SEMA3D: variants seen among roughly 807,000 people sequenced by gnomAD.
The protein encoded by SEMA3D is semaphorin-3D.
Under a neutral mutation model 100.1 loss-of-function variants are expected in SEMA3D, and 84 were observed. The observed-to-expected ratio is 0.84, with a 90% CI of 0.70 to 1.01. SEMA3D has a LOEUF of 1.01. Ranked by LOEUF, SEMA3D falls within the 50% of genes least tolerant of loss-of-function variation. SEMA3D has a pLI of 0.00. For synonymous variants in SEMA3D, 312 were observed against 320.7 expected (o/e 0.97, Z 0.29); for missense variants, 875 against 934.1 (o/e 0.94, Z 0.82).
chr7:84,996,285 C>T lies in SEMA3D; in HGVS notation c.*3155G>A, dbSNP rs1052209732. The T allele has an allele frequency of 6.6e-6, 1 of 151,780 alleles. No individual in the cohort carries two copies. The highest frequency in any genetic ancestry group is 2.4e-5 in the African/African-American group (1 of 41,370). The allele number at this position is 151,780 out of a possible 1,614,324, so 9.4% of individuals were successfully genotyped here. A position where few individuals can be genotyped will look rare whatever the true frequency, so the allele number is the denominator to read the frequency against. On this transcript the variant is annotated 3_prime_UTR_variant, in exon 19 of 19. Coordinates refer to ENST00000284136, the MANE Select transcript of SEMA3D (RefSeq NM_001384900.1). ...CTGAGTCTGTAAAATTCAGCAGGAA[C>T]AAAACATACTAGAATATGAAGAACC...
chr7:85,018,261 A>T lies in SEMA3D; in HGVS notation c.1536T>A (p.Ser512=). ...AAAAGTTAAAAAGTACCTGCTTCAGAGACAATTCCATGTTCAAGATGATTG... is the reference window on the plus strand; with the variant it reads ...AAAAGTTAAAAAGTACCTGCTTCAGTGACAATTCCATGTTCAAGATGATTG... ...HSSIILNMEL[S]LKQQQLYIGS... Residue 512 remains serine (S), a synonymous_variant, in exon 15 of 19, where the codon TCT becomes TCA. Transcript: ENST00000284136. 6.3e-7 allele frequency: 1 copy of T among 1,594,616 alleles called. No homozygotes were observed.
At position 85,077,782 on chromosome 7, in the gene SEMA3D, A is replaced by G. The variant is rs547781440; in HGVS notation, c.375+3735T>C. ...GCTGGTAAGAGCATATGAGGCATAA[A>G]CTTTCTGGAGGGCAATTTGGCAATA... On this transcript the variant is annotated intron_variant, in intron 5 of 18. Coordinates refer to ENST00000284136, the MANE Select transcript of SEMA3D (RefSeq NM_001384900.1). Among the ~76,000 whole-genome samples the G allele has an allele frequency of 2.0e-5, 3 of 152,258 alleles. No individual in the cohort carries two copies. The East Asian group carries it at 5.8e-4, about 29-fold the overall frequency.
the SEMA3D span, among the ~76,000 whole-genome samples, chr7:85,225,460 G>T: frequency 6.6e-6 from 1 of 151,730 alleles, no homozygotes; most frequent in Non-Finnish European, 1.5e-5. Flanking sequence ...TAATGAGGAG[G>T]TCTTCCAGGT....
chr7:85,231,270 A>T, the SEMA3D span, among the ~76,000 whole-genome samples: 1 of 152,060 alleles, frequency 6.6e-6, no homozygotes, highest in African/African-American at 2.4e-5. Flanking sequence ...ATGATTATTG[A>T]CAAATCAACA....
In SEMA3D at chr7:84,997,644, GA is replaced by G. The variant is rs1344147240; in HGVS notation, c.*1795del. On this transcript the variant is annotated 3_prime_UTR_variant, in exon 19 of 19. Coordinates refer to ENST00000284136, the MANE Select transcript of SEMA3D (RefSeq NM_001384900.1). ...AAATAAAATAAAAATAACAGAGAGA[GA>G]ATGCTCTCAACATAGAGCCACAGAT... 1 of 152,486 alleles carries G rather than the reference GA, an allele frequency of 6.6e-6. No individual in the cohort carries two copies. The highest frequency in any genetic ancestry group is 2.1e-4 in the South Asian group (1 of 4,830). 9.4% of individuals were successfully genotyped at this position (152,486 alleles called of 1,614,324 possible).
chr7:85,010,044 G>T (rs1015011604), intron 17 of SEMA3D, among the ~76,000 whole-genome samples: 1 of 151,768 alleles, frequency 6.6e-6, no homozygotes, highest in Non-Finnish European at 1.5e-5. Flanking sequence ...GATCAGGAAA[G>T]GTGTCTCTGA....
chr7:85,050,070 G>T (rs1450114674), intron 9 of SEMA3D, among the ~76,000 whole-genome samples: 2 of 107,938 alleles, frequency 1.9e-5, no homozygotes, highest in Admixed American at 2.4e-4. Flanking sequence ...GTCTTGAAGG[G>T]AAACACACAC....
Position 85,037,042 on chromosome 7 carries a change from A to C in SEMA3D, c.1047-9T>G. On this transcript the variant is annotated splice_polypyrimidine_tract_variant and intron_variant, in intron 11 of 18. Coordinates refer to ENST00000284136, the MANE Select transcript of SEMA3D (RefSeq NM_001384900.1). Reference sequence around the variant, plus strand: ...AGCCTTTGAAGATGGAGCTGGAAAAAAAAAGCATCATCATTCAATCATTCA... The same window carrying C: ...AGCCTTTGAAGATGGAGCTGGAAAACAAAAGCATCATCATTCAATCATTCA... 1.2e-6 allele frequency: 2 copies of C among 1,609,846 alleles called. No individual in the cohort carries two copies. Among genetic ancestry groups the C allele is most frequent in the Non-Finnish European group, 1.7e-6 (2 of 1,178,482 alleles).
the SEMA3D span, among the ~76,000 whole-genome samples, chr7:85,245,388 A>G: frequency 6.6e-6 from 1 of 152,240 alleles, no homozygotes; most frequent in South Asian, 2.1e-4. Context: ...AAATTTAAGC[A>G]TAGCACAGTA....
At chr7:85,029,163 C>T (rs1418169659) in intron 12 of SEMA3D, 13 of 649,640 alleles carry the variant, frequency 2.0e-5, no homozygotes, top group South Asian at 6.5e-5. Flanking sequence ...AAACCTACTT[C>T]GCAAGTTTGA....
chr7:85,053,883 A>G (rs1791235801), intron 9 of SEMA3D, among the ~76,000 whole-genome samples: 1 of 151,896 alleles, frequency 6.6e-6, no homozygotes, highest in African/African-American at 2.4e-5. Flanking sequence ...ACCAAGAACA[A>G]TAGCATGACA....
chr7:85,223,238 T>C, the SEMA3D span, among the ~76,000 whole-genome samples: 2 of 152,124 alleles, frequency 1.3e-5, no homozygotes, highest in African/African-American at 4.8e-5. Flanking sequence ...TGGAAAACAG[T>C]ATGGAGATTC....
the SEMA3D span, among the ~76,000 whole-genome samples, chr7:85,207,073 A>C: frequency 6.6e-6 from 1 of 152,226 alleles, no homozygotes; most frequent in African/African-American, 2.4e-5. Flanking sequence ...TTACATACTT[A>C]TCAACTTGTC....
In SEMA3D at chr7:85,020,271, T is replaced by C; in HGVS notation, c.1465A>G (p.Met489Val). 6.2e-7 allele frequency: 1 copy of C among 1,610,256 alleles called. No homozygotes were observed. Among genetic ancestry groups the C allele is most frequent in the Non-Finnish European group, 8.5e-7 (1 of 1,177,470 alleles). Residue 489 changes from methionine (M) to valine (V), a missense_variant, in exon 14 of 19, where the codon ATG becomes GTG. By Grantham distance (21) the Met-to-Val change is conservative (BLOSUM62 1). Transcript: ENST00000284136. The part of the protein sequence containing the change: ...VVSISKEKWN[M>V]EEVVLEELQI... ...AACTCCTCCAGCACTACCTCTTCCA[T>C]ATTCCACTTTTCCTTTGAAATGCTG...
intron 8 of SEMA3D, among the ~76,000 whole-genome samples, chr7:85,057,748 T>C (rs1301796854): frequency 6.6e-6 from 1 of 151,844 alleles, no homozygotes; most frequent in East Asian, 1.9e-4. Flanking sequence ...GCCTGGCCAA[T>C]ATGGTGCAAC....
the SEMA3D span, among the ~76,000 whole-genome samples, chr7:85,245,033 T>C: frequency 6.6e-6 from 1 of 152,116 alleles, no homozygotes; most frequent in African/African-American, 2.4e-5. Context: ...GTTACTGAAG[T>C]GAAACATGAA....
chr7:85,038,089 C>T (rs1179213251), intron 11 of SEMA3D, among the ~76,000 whole-genome samples: 1 of 151,726 alleles, frequency 6.6e-6, no homozygotes, highest in Non-Finnish European at 1.5e-5. Flanking sequence ...GGAGATACGT[C>T]TAATGTTAAA....
At chr7:85,070,792 T>C (rs1791749609) in intron 6 of SEMA3D, among the ~76,000 whole-genome samples, 1 of 152,098 alleles carries the variant, frequency 6.6e-6, no homozygotes, top group African/African-American at 2.4e-5. Flanking sequence ...TTTTTTTTGT[T>C]GTTGTTTGGA....
intron 2 of SEMA3D, chr7:85,142,304 C>G: frequency 2.0e-6 from 2 of 979,184 alleles, no homozygotes; most frequent in Non-Finnish European, 2.4e-6. Flanking sequence ...TTAGTTTTAT[C>G]TACACCCTCA....
Sources: gnomAD v4.1 joint callset for allele counts (sites outside exome capture counted in the v4.1 genomes callset) on GRCh38, gnomAD v4.1.1 for gene constraint, MANE v1.5 for transcripts, NCBI Gene and HGNC (gene_info 2026-07-23, HGNC 2026-07-21) for gene names.